Variants in GNAQ observed in about 807,000 individuals in gnomAD.
GNAQ encodes G protein subunit alpha q, also known as guanine nucleotide-binding protein G(q) subunit alpha.
A neutral mutation model predicts 43.9 loss-of-function variants in GNAQ; 8 were observed. That is an observed-to-expected ratio of 0.18 (90% CI 0.11 to 0.33). The LOEUF (loss-of-function observed/expected upper bound fraction) is 0.33, where lower values mean the gene tolerates loss of function less well. GNAQ is among the 10% of genes least tolerant of loss of function. The pLI is 1.00. For missense variants in GNAQ, 158 were observed against 450.8 expected (o/e 0.35, Z 5.88); for synonymous variants, 155 against 170.7 (o/e 0.91, Z 0.71).
chr9:77,820,120 A>C (rs1386235018), intron 2 of GNAQ, among the ~76,000 whole-genome samples: 2 of 151,958 alleles, frequency 1.3e-5, no homozygotes, highest in Non-Finnish European at 1.5e-5. Context: ...AAAATAGTAC[A>C]AAAAATATAA....
At chr9:78,015,094 A>G (rs1823822436) in intron 1 of GNAQ, among the ~76,000 whole-genome samples, 3 of 152,192 alleles carry the variant, frequency 2.0e-5, no homozygotes, top group Non-Finnish European at 4.4e-5. Context: ...AGCTCCATTT[A>G]TGGTAAGTGC....
At chr9:77,821,770 CATT>C (rs763905690) in intron 2 of GNAQ, among the ~76,000 whole-genome samples, 2 of 140,810 alleles carry the variant, frequency 1.4e-5, no homozygotes, top group East Asian at 2.1e-4. Flanking sequence ...TGTATGTATG[CATT>C]ATTAATACCA....
intron 5 of GNAQ, among the ~76,000 whole-genome samples, chr9:77,768,906 G>C (rs1305982833): frequency 1.3e-5 from 2 of 152,166 alleles, no homozygotes; most frequent in African/African-American, 4.8e-5. Context: ...TGACTGAGTA[G>C]TAAATTCTGA....
chr9:77,961,405 T>C (rs190389516), intron 1 of GNAQ, among the ~76,000 whole-genome samples: 2 of 152,122 alleles, frequency 1.3e-5, no homozygotes, highest in East Asian at 3.9e-4. Flanking sequence ...CATGACAGAA[T>C]GCTGGAAAGG....
At chr9:77,876,521 T>C (rs1828126885) in intron 2 of GNAQ, among the ~76,000 whole-genome samples, 1 of 152,248 alleles carries the variant, frequency 6.6e-6, no homozygotes, top group African/African-American at 2.4e-5. Flanking sequence ...ATTATAATTG[T>C]TGTTGCTGCT....
intron 1 of GNAQ, among the ~76,000 whole-genome samples, chr9:77,927,956 T>A (rs1422889477): frequency 6.6e-6 from 1 of 152,148 alleles, no homozygotes. Flanking sequence ...TGGTTTAAGC[T>A]AGGAGTTTGA....
chr9:77,860,258 T>C (rs1490185800), intron 2 of GNAQ, among the ~76,000 whole-genome samples: 3 of 152,088 alleles, frequency 2.0e-5, no homozygotes, highest in African/African-American at 7.2e-5. Flanking sequence ...TAGTGCTTGG[T>C]TTCTCTGTGC....
chr9:77,965,643 A>C (rs974925294), intron 1 of GNAQ, among the ~76,000 whole-genome samples: 3 of 152,182 alleles, frequency 2.0e-5, no homozygotes, highest in Non-Finnish European at 4.4e-5. Context: ...CCACAATTAG[A>C]TACTTCACAC....
chr9:77,916,652 A>G (rs1828911476), intron 2 of GNAQ, among the ~76,000 whole-genome samples: 1 of 152,148 alleles, frequency 6.6e-6, no homozygotes, highest in Non-Finnish European at 1.5e-5. Flanking sequence ...AGGGAAACAC[A>G]GGTGTCAGGC....
At chr9:77,976,843 G>A (rs950442641) in intron 1 of GNAQ, among the ~76,000 whole-genome samples, 1 of 152,126 alleles carries the variant, frequency 6.6e-6, no homozygotes, top group African/African-American at 2.4e-5. Context: ...CTCCATACAT[G>A]GCAACATTCA....
At chr9:77,722,653 CTTTTTTTT>C (rs36194112) in intron 6 of GNAQ, among the ~76,000 whole-genome samples, 1 of 115,798 alleles carries the variant, frequency 8.6e-6, no homozygotes. Context: ...TATCTAAGGA[CTTTTTTTT>C]TTTTTTTTTT....
rs529591344 is a variant in GNAQ at position 78,011,028 on chromosome 9, G to A, written c.136+20072C>T. ...GCTAAAAGCAAGACTACTTTGCAAA[G>A]TGGTCTAGAAACGCAGAGAAAAAGA... is the stretch of plus-strand genomic sequence containing the variant. On this transcript the variant is annotated intron_variant, in intron 1 of 6. Transcript: ENST00000286548. Among the ~76,000 whole-genome samples the A allele has an allele frequency of 3.9e-5, 6 of 152,248 alleles. No individual in the cohort carries two copies. In the South Asian group the frequency reaches 1.2e-3, roughly 32 times the overall value.
At chr9:77,724,035 G>A (rs892171182) in intron 6 of GNAQ, among the ~76,000 whole-genome samples, 2 of 151,984 alleles carry the variant, frequency 1.3e-5, no homozygotes, top group African/African-American at 2.4e-5. Flanking sequence ...TATTTAATAG[G>A]TACCGATAGA....
chr9:77,964,388 A>T (rs1005917041), intron 1 of GNAQ, among the ~76,000 whole-genome samples: 3 of 152,198 alleles, frequency 2.0e-5, no homozygotes, highest in Admixed American at 1.3e-4. Context: ...CAATAAACCA[A>T]GTAGAGAGAA....
chr9:77,797,484 A>C, intron 4 of GNAQ, 36 bp downstream of exon 4: 2 of 1,567,278 alleles, frequency 1.3e-6, no homozygotes, highest in East Asian at 2.2e-5. Flanking sequence ...CAAGGCATAA[A>C]AGCTGGGAAA....
At chr9:77,729,303 C>G (rs1423949430) in intron 5 of GNAQ, among the ~76,000 whole-genome samples, 1 of 152,188 alleles carries the variant, frequency 6.6e-6, no homozygotes, top group East Asian at 1.9e-4. Context: ...ATTGTGAAGA[C>G]ACACATAGTA....
intron 5 of GNAQ, among the ~76,000 whole-genome samples, chr9:77,782,007 C>T (rs1350305001): frequency 1.3e-5 from 2 of 151,948 alleles, no homozygotes; most frequent in East Asian, 3.9e-4. Flanking sequence ...AACTGGAAGT[C>T]CTAGCAAATG....
At position 77,721,007 on chromosome 9, in the gene GNAQ, G is replaced by C. The variant is rs933171963; in HGVS notation, c.*316C>G. ...GCTCCATAGAAAAGAAAAAGAGAGAGAGACAGAAAGAAACAAGTCTTATCT... is the reference window on the plus strand; with the variant it reads ...GCTCCATAGAAAAGAAAAAGAGAGACAGACAGAAAGAAACAAGTCTTATCT... On this transcript the variant is annotated 3_prime_UTR_variant, in exon 7 of 7. Transcript: ENST00000286548. 1.1e-5 allele frequency: 3 copies of C among 270,164 alleles called. No homozygotes were observed. Among genetic ancestry groups the C allele is most frequent in the East Asian group, 5.5e-5 (1 of 18,112 alleles). The allele number at this position is 270,164 out of a possible 1,614,324, so 16.7% of individuals were successfully genotyped here. A position where few individuals can be genotyped will look rare whatever the true frequency, so the allele number is the denominator to read the frequency against.
chr9:77,841,709 C>T lies in GNAQ; in HGVS notation c.322-25939G>A, dbSNP rs368190007. Among the ~76,000 whole-genome samples the T allele has an allele frequency of 2.6e-4, 40 of 152,244 alleles. No homozygotes were observed. In the East Asian group the frequency reaches 5.6e-3, roughly 21 times the overall value. ...AACAAATAATATGTAAACTATGCAACGCACAGTTTGGCACTGGTCAAACTC... is the reference window on the plus strand; with the variant it reads ...AACAAATAATATGTAAACTATGCAATGCACAGTTTGGCACTGGTCAAACTC... On this transcript the variant is annotated intron_variant, in intron 2 of 6. Coordinates refer to ENST00000286548, the MANE Select transcript of GNAQ (RefSeq NM_002072.5).
Sources: gnomAD v4.1 joint callset for allele counts (sites outside exome capture counted in the v4.1 genomes callset) on GRCh38, gnomAD v4.1.1 for gene constraint, MANE v1.5 for transcripts, NCBI Gene and HGNC (gene_info 2026-07-23, HGNC 2026-07-21) for gene names.